LRFN5: variants seen among roughly 807,000 people sequenced by gnomAD.
The protein encoded by LRFN5 is leucine-rich repeat and fibronectin type-III domain-containing protein 5.
Under a neutral mutation model 45.6 loss-of-function variants are expected in LRFN5, and 24 were observed. That is an observed-to-expected ratio of 0.53 (90% CI 0.38 to 0.74). LRFN5 has a LOEUF of 0.74. LRFN5 is among the 30% of genes least tolerant of loss of function. The pLI is 0.00. For missense variants in LRFN5, 776 were observed against 861.5 expected (o/e 0.90, Z 1.24); for synonymous variants, 340 against 313.8 (o/e 1.08, Z -0.88).
At chr14:41,678,196 G>A (rs1881721892) in intron 1 of LRFN5, among the ~76,000 whole-genome samples, 1 of 151,184 alleles carries the variant, frequency 6.6e-6, no homozygotes, top group East Asian at 1.9e-4. Context: ...AAATACTGAG[G>A]GACTTTTTAT....
chr14:41,899,199 G>T (rs191886406), intron 5 of LRFN5, among the ~76,000 whole-genome samples: 30 of 152,216 alleles, frequency 2.0e-4, no homozygotes, highest in Admixed American at 1.6e-3. Flanking sequence ...TGTAAGAAAT[G>T]AAGTTAATAA....
intron 1 of LRFN5, among the ~76,000 whole-genome samples, chr14:41,707,126 A>G (rs890400265): frequency 1.3e-5 from 2 of 152,202 alleles, no homozygotes; most frequent in African/African-American, 4.8e-5. Flanking sequence ...TAATTACAAT[A>G]TAGTTTATGA....
chr14:41,611,166 G>A (rs1320974377), intron 1 of LRFN5, among the ~76,000 whole-genome samples: 1 of 152,194 alleles, frequency 6.6e-6, no homozygotes, highest in Admixed American at 6.5e-5. Context: ...TGAATGCTCA[G>A]AAACCTGAAC....
intron 2 of LRFN5, among the ~76,000 whole-genome samples, chr14:41,874,665 C>A (rs1343486972): frequency 2.6e-5 from 4 of 152,052 alleles, no homozygotes; most frequent in Non-Finnish European, 5.9e-5. Flanking sequence ...GGGGAATGTA[C>A]CTTTCACAAA....
intron 1 of LRFN5, among the ~76,000 whole-genome samples, chr14:41,704,434 C>CTGTGTGTGTG (rs1255294858): frequency 0.058 from 2,507 of 42,940 alleles, 81 homozygotes; most frequent in African/African-American, 0.23. Flanking sequence ...CTCTCTCTCT[C>CTGTGTGTGTG]TCTCTCTCTC....
chr14:41,622,459 G>A (rs1888170217), intron 1 of LRFN5, among the ~76,000 whole-genome samples: 1 of 151,782 alleles, frequency 6.6e-6, no homozygotes, highest in Non-Finnish European at 1.5e-5. Flanking sequence ...AAGAGTAAAG[G>A]ACCATATACA....
chr14:41,719,565 A>G (rs1215624648), intron 1 of LRFN5, among the ~76,000 whole-genome samples: 3 of 152,056 alleles, frequency 2.0e-5, no homozygotes, highest in Non-Finnish European at 2.9e-5. Context: ...TAGTAATCTC[A>G]TAAGCTTCAG....
chr14:41,730,242 G>A (rs1884111988), intron 1 of LRFN5, among the ~76,000 whole-genome samples: 1 of 151,904 alleles, frequency 6.6e-6, no homozygotes, highest in African/African-American at 2.4e-5. Context: ...TTACAAAGAT[G>A]ATATGAACTA....
intron 1 of LRFN5, among the ~76,000 whole-genome samples, chr14:41,612,726 G>A (rs1209660800): frequency 6.6e-6 from 1 of 151,998 alleles, no homozygotes; most frequent in Admixed American, 6.6e-5. Context: ...TCATTACATG[G>A]TATGTGCATG....
intron 1 of LRFN5, among the ~76,000 whole-genome samples, chr14:41,725,667 C>T (rs1883900182): frequency 6.6e-6 from 1 of 152,046 alleles, no homozygotes; most frequent in Non-Finnish European, 1.5e-5. Flanking sequence ...TGTAAATTGC[C>T]ACATATGTGT....
At chr14:41,825,092 C>T (rs1026124523) in intron 2 of LRFN5, among the ~76,000 whole-genome samples, 1 of 152,200 alleles carries the variant, frequency 6.6e-6, no homozygotes, top group African/African-American at 2.4e-5. Context: ...ACAGATAGCT[C>T]TGCAGCTCAC....
chr14:41,757,546 C>T (rs1460350537), intron 1 of LRFN5, among the ~76,000 whole-genome samples: 1 of 152,184 alleles, frequency 6.6e-6, no homozygotes. Context: ...GGGCGTAGGA[C>T]CCTCCGAGCC....
chr14:41,875,122 T>TCCAG (rs1890144950), intron 2 of LRFN5, among the ~76,000 whole-genome samples: 2 of 152,246 alleles, frequency 1.3e-5, no homozygotes, highest in Non-Finnish European at 2.9e-5. Flanking sequence ...TTAATTGTAC[T>TCCAG]TATCTCCTGG....
chr14:41,828,077 C>G (rs1888356961), intron 2 of LRFN5, among the ~76,000 whole-genome samples: 1 of 151,956 alleles, frequency 6.6e-6, no homozygotes, highest in East Asian at 1.9e-4. Flanking sequence ...TATCATGAAA[C>G]TGAAGTAAGT....
chr14:41,890,573 G>A (rs993058995), intron 3 of LRFN5, among the ~76,000 whole-genome samples: 3 of 151,916 alleles, frequency 2.0e-5, no homozygotes, highest in South Asian at 2.1e-4. Context: ...CGGGCGTGGT[G>A]GCGGGCGCCT....
In LRFN5 at chr14:41,670,302, T is replaced by C. The variant is rs1244458029; in HGVS notation, c.-197+61740T>C. 4.4e-3 allele frequency among the ~76,000 whole-genome samples: 80 copies of C among 18,310 alleles called. 2 individuals are homozygous for C. The highest frequency in any genetic ancestry group is 0.016 in the African/African-American group (60 of 3,702). 12.0% of individuals were successfully genotyped at this position (18,310 alleles called of 152,430 possible). A position where few individuals can be genotyped will look rare whatever the true frequency, so the allele number is the denominator to read the frequency against. On this transcript the variant is annotated intron_variant, in intron 1 of 5. Transcript: ENST00000298119. Reference sequence around the variant, plus strand: ...ATATATATATATATATATATATATATATACACACACACAGAAAGAACCCCT... The same window carrying C: ...ATATATATATATATATATATATATACATACACACACACAGAAAGAACCCCT...
At chr14:41,873,534 C>T (rs1044522081) in intron 2 of LRFN5, among the ~76,000 whole-genome samples, 7 of 151,950 alleles carry the variant, frequency 4.6e-5, no homozygotes, top group Non-Finnish European at 1.0e-4. Context: ...ACTGCCGGAA[C>T]TTTCCACCCA....
chr14:41,769,992 A>G (rs929648576), intron 2 of LRFN5, among the ~76,000 whole-genome samples: 4 of 152,196 alleles, frequency 2.6e-5, no homozygotes, highest in Non-Finnish European at 5.9e-5. Context: ...CTGTACAGGA[A>G]GTGTGGTGGT....
At chr14:41,711,128 T>A (rs1415188720) in intron 1 of LRFN5, among the ~76,000 whole-genome samples, 1 of 152,102 alleles carries the variant, frequency 6.6e-6, no homozygotes, top group Middle Eastern at 3.2e-3. Flanking sequence ...AGACTAGATA[T>A]CCTGAAGAAA....
Sources: gnomAD v4.1 joint callset for allele counts (sites outside exome capture counted in the v4.1 genomes callset) on GRCh38, gnomAD v4.1.1 for gene constraint, MANE v1.5 for transcripts, NCBI Gene and HGNC (gene_info 2026-07-23, HGNC 2026-07-21) for gene names.